The following SPOCK1 variants were observed in gnomAD, a reference collection of about 807,000 sequenced individuals.
SPOCK1 encodes the protein SPARC (osteonectin), cwcv and kazal like domains proteoglycan 1, also known as testican-1.
Under a neutral mutation model 55.3 loss-of-function variants are expected in SPOCK1, and 23 were observed. The ratio of observed to expected loss-of-function variants is 0.42; its 90% CI spans 0.30 to 0.59. The LOEUF (loss-of-function observed/expected upper bound fraction) is 0.59, where lower values mean the gene tolerates loss of function less well. Ranked by LOEUF, SPOCK1 falls within the 20% of genes least tolerant of loss-of-function variation. The pLI, the probability that SPOCK1 is intolerant of heterozygous loss-of-function variation, is 0.22. For synonymous variants in SPOCK1, 226 were observed against 221.0 expected (o/e 1.02, Z -0.20); for missense variants, 499 against 552.5 (o/e 0.90, Z 0.97).
intron 3 of SPOCK1, among the ~76,000 whole-genome samples, chr5:137,257,613 C>T (rs1397801718): frequency 1.3e-5 from 2 of 152,134 alleles, no homozygotes; most frequent in Admixed American, 1.3e-4. Flanking sequence ...GAACAGAAGC[C>T]CCAAAGGACT....
At chr5:137,273,328 A>G in intron 2 of SPOCK1, 2 of 966,664 alleles carry the variant, frequency 2.1e-6, no homozygotes, top group East Asian at 1.1e-4. Context: ...TTATTTGGCA[A>G]CTACTTTAAT....
intron 4 of SPOCK1, among the ~76,000 whole-genome samples, chr5:137,136,256 C>T (rs898245008): frequency 6.6e-6 from 1 of 152,102 alleles, no homozygotes; most frequent in Non-Finnish European, 1.5e-5. Context: ...GTCTACGACT[C>T]ATTTCAAGTT....
intron 3 of SPOCK1, among the ~76,000 whole-genome samples, chr5:137,185,019 G>A (rs1755039370): frequency 6.6e-6 from 1 of 152,150 alleles, no homozygotes; most frequent in Non-Finnish European, 1.5e-5. Context: ...AGACTATCTT[G>A]TCTGTCTTGT....
intron 3 of SPOCK1, among the ~76,000 whole-genome samples, chr5:137,169,403 T>C (rs925236025): frequency 1.3e-5 from 2 of 152,178 alleles, no homozygotes; most frequent in African/African-American, 4.8e-5. Flanking sequence ...CATGTGATTA[T>C]TACACATTGC....
At chr5:137,154,634 T>C (rs1029742002) in intron 3 of SPOCK1, among the ~76,000 whole-genome samples, 2 of 152,218 alleles carry the variant, frequency 1.3e-5, no homozygotes, top group Non-Finnish European at 2.9e-5. Flanking sequence ...CTGTTGAACA[T>C]GTTGAAGTCT....
chr5:137,062,844 C>T (rs1747337192), intron 6 of SPOCK1, among the ~76,000 whole-genome samples: 1 of 152,132 alleles, frequency 6.6e-6, no homozygotes, highest in Non-Finnish European at 1.5e-5. Context: ...ATAACCATTG[C>T]TTCATACTCT....
intron 3 of SPOCK1, among the ~76,000 whole-genome samples, chr5:137,207,112 C>A (rs759092515): frequency 3.9e-5 from 6 of 152,242 alleles, no homozygotes; most frequent in Admixed American, 6.5e-5. Flanking sequence ...CAGCTCCAGT[C>A]TCAGGTCTCC....
At chr5:137,390,685 T>C (rs1361013139) in intron 2 of SPOCK1, among the ~76,000 whole-genome samples, 1 of 152,170 alleles carries the variant, frequency 6.6e-6, no homozygotes, top group Non-Finnish European at 1.5e-5. Flanking sequence ...CTCTGCACAT[T>C]AACATGGCCT....
chr5:137,122,253 A>ACATG (rs1554098647), intron 4 of SPOCK1, among the ~76,000 whole-genome samples: 3 of 112,020 alleles, frequency 2.7e-5, no homozygotes, highest in South Asian at 3.0e-4. Flanking sequence ...ACACACACAC[A>ACATG]CACGCACACA....
At position 137,481,981 on chromosome 5, in the gene SPOCK1, A is replaced by C. The variant is rs545243850; in HGVS notation, c.186+16392T>G. Among the ~76,000 whole-genome samples, 6 of 152,108 alleles carry C rather than the reference A, an allele frequency of 3.9e-5. No individual in the cohort carries two copies. The East Asian group carries it at 1.2e-3, about 29-fold the overall frequency. ...GAAAGGGGCCTTTCAGACTGGACCC[A>C]AAAGACTTTTCTCCCATACTCCTAC... On this transcript the variant is annotated intron_variant, in intron 2 of 10. Transcript: ENST00000394945.
chr5:137,281,917 A>G (rs1757171683), intron 2 of SPOCK1, among the ~76,000 whole-genome samples: 1 of 152,230 alleles, frequency 6.6e-6, no homozygotes, highest in South Asian at 2.1e-4. Flanking sequence ...TTCCTGGTCT[A>G]AAACATGAAA....
chr5:137,460,754 AG>A (rs112912874), intron 2 of SPOCK1, among the ~76,000 whole-genome samples: 41,338 of 152,082 alleles, frequency 0.27, 5,830 homozygotes, highest in Admixed American at 0.35. Flanking sequence ...TGATCTACAA[AG>A]CTCTACATAT....
chr5:137,384,921 A>G (rs1751567154), intron 2 of SPOCK1, among the ~76,000 whole-genome samples: 1 of 152,172 alleles, frequency 6.6e-6, no homozygotes, highest in Non-Finnish European at 1.5e-5. Flanking sequence ...ATTCACAGGT[A>G]CTGGGGATTA....
chr5:137,347,545 C>A (rs1561511164), intron 2 of SPOCK1, among the ~76,000 whole-genome samples: 1 of 152,114 alleles, frequency 6.6e-6, no homozygotes. Flanking sequence ...CATGGTGAAA[C>A]CCCATCTCCA....
chr5:137,002,812 G>A (rs1014626837), intron 6 of SPOCK1, among the ~76,000 whole-genome samples: 14 of 152,174 alleles, frequency 9.2e-5, no homozygotes, highest in African/African-American at 3.1e-4. Context: ...AGAGTCCTGG[G>A]AAAGGGGCTA....
chr5:137,023,387 G>A (rs1351240737), intron 6 of SPOCK1, among the ~76,000 whole-genome samples: 4 of 152,090 alleles, frequency 2.6e-5, no homozygotes, highest in Non-Finnish European at 5.9e-5. Context: ...AGTAGGGACT[G>A]GGTTTTGACT....
At chr5:137,476,915 A>G (rs1753848515) in intron 2 of SPOCK1, among the ~76,000 whole-genome samples, 1 of 151,672 alleles carries the variant, frequency 6.6e-6, no homozygotes, top group South Asian at 2.1e-4. Context: ...ACAGAATGAG[A>G]CTCTGTCTCA....
chr5:137,258,058 A>G (rs564933782), intron 3 of SPOCK1, among the ~76,000 whole-genome samples: 1 of 152,370 alleles, frequency 6.6e-6, no homozygotes, highest in Non-Finnish European at 1.5e-5. Context: ...AAACACCAGA[A>G]GAAGACAGCA....
intron 2 of SPOCK1, among the ~76,000 whole-genome samples, chr5:137,353,837 G>C (rs2127162151): frequency 6.6e-6 from 1 of 152,188 alleles, no homozygotes; most frequent in East Asian, 1.9e-4. Flanking sequence ...CTCCCTGGCA[G>C]ACCCATCCAC....
Sources: gnomAD v4.1 joint callset for allele counts (sites outside exome capture counted in the v4.1 genomes callset) on GRCh38, gnomAD v4.1.1 for gene constraint, MANE v1.5 for transcripts, NCBI Gene and HGNC (gene_info 2026-07-23, HGNC 2026-07-21) for gene names.